The following RAB4B variants were observed in gnomAD, a reference collection of about 807,000 sequenced individuals.
RAB4B encodes the protein RAB4B, member RAS oncogene family.
Under a neutral mutation model 28.3 loss-of-function variants are expected in RAB4B, and 15 were observed. That is an observed-to-expected ratio of 0.53 (90% confidence interval 0.35 to 0.82). The LOEUF is 0.82. Ranked by LOEUF, RAB4B falls within the 40% of genes least tolerant of loss-of-function variation. The pLI is 0.01. For missense variants in RAB4B, 244 were observed against 288.5 expected, an observed-to-expected ratio of 0.85 and a Z score of 1.12; for synonymous variants, 108 against 116.3, an observed-to-expected ratio of 0.93 and a Z score of 0.46.
chr19:40,788,146 C>T (rs1180935547), intron 7 of RAB4B, among the ~76,000 whole-genome samples: 3 of 151,864 alleles, frequency 2.0e-5, no homozygotes, highest in African/African-American at 7.3e-5. Flanking sequence ...GGGAGTACAA[C>T]AGACTCCCAT....
chr19:40,782,372 T>A (rs1040195526), intron 3 of RAB4B, among the ~76,000 whole-genome samples: 7 of 143,920 alleles, frequency 4.9e-5, no homozygotes, highest in African/African-American at 1.7e-4. Context: ...GATAAGCAGA[T>A]GTTGTATAGT....
Position 40,783,776 on chromosome 19 carries a change from A to T in RAB4B, c.213-2A>T. The T allele has an allele frequency of 6.7e-7, 1 of 1,491,750 alleles. No homozygotes were observed. Among genetic ancestry groups the T allele is most frequent in the Admixed American group, 2.0e-5 (1 of 50,624 alleles). 92.4% of individuals were successfully genotyped at this position (1,491,750 alleles called of 1,614,324 possible). ...GGTGACTGGGTCCCCCTGGCCCCAC[A>T]GGTCAGTGACGCGGAGTTATTACCG... On this transcript the variant is annotated splice_acceptor_variant, in intron 3 of 7. Coordinates refer to ENST00000357052, the MANE Select transcript of RAB4B (RefSeq NM_016154.5). LOFTEE classifies it high-confidence loss of function.
chr19:40,795,169 C>CAAAAAAA (rs1167818145), intron 7 of RAB4B, among the ~76,000 whole-genome samples: 1 of 60,348 alleles, frequency 1.7e-5, no homozygotes, highest in Non-Finnish European at 3.1e-5. Flanking sequence ...GCTCCATCTC[C>CAAAAAAA]AAAAAAAAAA....
chr19:40,789,948 G>A (rs1262030853), intron 7 of RAB4B, among the ~76,000 whole-genome samples: 1 of 152,230 alleles, frequency 6.6e-6, no homozygotes, highest in Non-Finnish European at 1.5e-5. Flanking sequence ...GGTATGCCTG[G>A]TGTCGGTGAG....
chr19:40,795,958 C>T (rs917000650), intron 7 of RAB4B, among the ~76,000 whole-genome samples: 3 of 152,126 alleles, frequency 2.0e-5, no homozygotes, highest in Admixed American at 6.5e-5. Flanking sequence ...CTGCCCGCCT[C>T]GGCCTCCCAA....
At chr19:40,782,729 C>G (rs2083060453) in intron 3 of RAB4B, among the ~76,000 whole-genome samples, 1 of 152,156 alleles carries the variant, frequency 6.6e-6, no homozygotes, top group Admixed American at 6.5e-5. Context: ...AGGAGAATCA[C>G]TTGCATCCGG....
intron 7 of RAB4B, among the ~76,000 whole-genome samples, chr19:40,791,211 A>G (rs2083156474): frequency 6.6e-6 from 1 of 151,486 alleles, no homozygotes; most frequent in South Asian, 2.1e-4. Flanking sequence ...GCTGGTCTTG[A>G]ACTCCTGACT....
chr19:40,786,652 T>C lies in RAB4B; in HGVS notation c.431-13T>C, dbSNP rs1293633905. 2 of 1,613,720 alleles carry C rather than the reference T, an allele frequency of 1.2e-6. No homozygotes were observed. The highest frequency in any genetic ancestry group is 1.7e-6 in the Non-Finnish European group (2 of 1,179,892). Reference sequence around the variant, plus strand: ...TAACTGGGGCCCTGACCTCAGAGTGTGTGCCCCTGCAGAGCTGATGTTCCT... The same window carrying C: ...TAACTGGGGCCCTGACCTCAGAGTGCGTGCCCCTGCAGAGCTGATGTTCCT... On this transcript the variant is annotated splice_polypyrimidine_tract_variant and intron_variant, in intron 5 of 7. Transcript: ENST00000357052.
At chr19:40,782,423 A>C (rs1330171062) in intron 3 of RAB4B, among the ~76,000 whole-genome samples, 1 of 152,222 alleles carries the variant, frequency 6.6e-6, no homozygotes, top group Non-Finnish European at 1.5e-5. Flanking sequence ...TGCTCAGAAA[A>C]TGTTGAATGA....
rs1257566827 is a variant in RAB4B at position 40,786,650 on chromosome 19, T to A, written c.431-15T>A. 6.2e-7 allele frequency: 1 copy of A among 1,613,420 alleles called. No individual in the cohort carries two copies. The highest frequency in any genetic ancestry group is 2.2e-5 in the East Asian group (1 of 44,832). ...ACTAACTGGGGCCCTGACCTCAGAG[T>A]GTGTGCCCCTGCAGAGCTGATGTTC... On this transcript the variant is annotated splice_polypyrimidine_tract_variant and intron_variant, in intron 5 of 7. Transcript: ENST00000357052.
chr19:40,784,124 A>G (rs771017392), intron 5 of RAB4B, 49 bp downstream of exon 5: 2 of 1,551,046 alleles, frequency 1.3e-6, no homozygotes. Context: ...GACAGTCCAC[A>G]GGGACCATGG....
At chr19:40,780,211 C>G in intron 2 of RAB4B, 112 bp downstream of exon 2, 31 of 1,513,066 alleles carry the variant, frequency 2.0e-5, no homozygotes, top group Non-Finnish European at 2.7e-5. Context: ...AAGTCCAGTG[C>G]TGGCTTTTTG....
chr19:40,780,468 AT>A lies in RAB4B; in HGVS notation c.184del (p.Trp62GlyfsTer12), dbSNP rs766157650. ...NVGGKTVKLQ[I>X]WDTAGQERFR... ...GGGTGGGAAGACTGTGAAGCTACAG[AT>A]TTGGGACACGGCTGGCCAGGAGCGG... is the stretch of plus-strand genomic sequence containing the variant. On this transcript the variant is annotated frameshift_variant, in exon 3 of 8. Transcript: ENST00000357052. LOFTEE classifies it high-confidence loss of function. 1 of 1,613,740 alleles carries A rather than the reference AT, an allele frequency of 6.2e-7. No individual in the cohort carries two copies. The highest frequency in any genetic ancestry group is 8.5e-7 in the Non-Finnish European group (1 of 1,179,906).
chr19:40,786,598 C>T, intron 5 of RAB4B, 67 bp from the exon 6 acceptor site: 1 of 1,597,808 alleles, frequency 6.3e-7, no homozygotes, highest in South Asian at 1.1e-5. Flanking sequence ...TGAGAGTCAG[C>T]AGGTGAGAGC....
At chr19:40,783,168 A>AG (rs1250544532) in intron 3 of RAB4B, among the ~76,000 whole-genome samples, 61 of 136,508 alleles carry the variant, frequency 4.5e-4, no homozygotes, top group African/African-American at 1.7e-3. Context: ...AAAAAAAAAA[A>AG]AAAAGAAAAA....
Position 40,786,754 on chromosome 19 carries a change from G to A in RAB4B, c.520G>A (p.Asp174Asn). 1.2e-6 allele frequency: 2 copies of A among 1,614,136 alleles called. No individual in the cohort carries two copies. Among genetic ancestry groups the A allele is most frequent in the Non-Finnish European group, 1.7e-6 (2 of 1,180,014 alleles). ...TGCCCGCACTATCCTCAACAAGATTGACTCAGGTGAGGCCCCGACCGGCCC... is the reference window on the plus strand; with the variant it reads ...TGCCCGCACTATCCTCAACAAGATTAACTCAGGTGAGGCCCCGACCGGCCC... ...KCARTILNKI[D>N]SGELDPERMG... Residue 174 changes from aspartate to asparagine, a missense_variant, in exon 6 of 8, where the codon GAC (aspartate) becomes AAC (asparagine). Coordinates refer to ENST00000357052, the MANE Select transcript of RAB4B (RefSeq NM_016154.5).
At chr19:40,778,932 C>CAGTA in intron 1 of RAB4B, 1 of 985,744 alleles carries the variant, frequency 1.0e-6, no homozygotes, top group Non-Finnish European at 1.2e-6. Context: ...AGTGGAAAAT[C>CAGTA]AGTAGGGATG....
intron 7 of RAB4B, among the ~76,000 whole-genome samples, chr19:40,787,961 C>CAAAA (rs56997006): frequency 3.0e-4 from 21 of 69,452 alleles, no homozygotes; most frequent in African/African-American, 5.1e-4. Context: ...GACTCTGTCT[C>CAAAA]AAAAAAAAAA....
At chr19:40,792,805 G>A (rs750501664) in intron 7 of RAB4B, among the ~76,000 whole-genome samples, 2 of 151,864 alleles carry the variant, frequency 1.3e-5, no homozygotes, top group Non-Finnish European at 2.9e-5. Flanking sequence ...TTTGGAGACA[G>A]AGTCTCGCTC....
Sources: allele counts gnomAD v4.1 joint callset (sites outside exome capture counted in the v4.1 genomes callset), GRCh38; gene constraint gnomAD v4.1.1; transcripts MANE v1.5; gene names NCBI Gene and HGNC (gene_info 2026-07-23, HGNC 2026-07-21).